Variants in RERE observed in about 807,000 individuals in gnomAD.
The protein encoded by RERE is arginine-glutamic acid dipeptide repeats.
A neutral mutation model predicts 146.1 loss-of-function variants in RERE; 40 were observed. The ratio of observed to expected loss-of-function variants is 0.27; its 90% CI spans 0.21 to 0.36. The LOEUF is 0.36. Ranked by LOEUF, RERE falls within the 10% of genes least tolerant of loss-of-function variation. The pLI, the probability that RERE is intolerant of heterozygous loss-of-function variation, is 1.00. For synonymous variants in RERE, 1,003 were observed against 866.0 expected (o/e 1.16, Z -2.78); for missense variants, 1,933 against 2,138.7 (o/e 0.90, Z 1.90).
chr1:8,380,718 A>T (rs1642415462), intron 12 of RERE: 1 of 384,554 alleles, frequency 2.6e-6, no homozygotes, highest in African/African-American at 2.1e-5. Flanking sequence ...CACAAGTCAA[A>T]ATCCTCAGCA....
intron 1 of RERE, among the ~76,000 whole-genome samples, chr1:8,710,588 G>C (rs896461280): frequency 6.6e-6 from 1 of 152,126 alleles, no homozygotes; most frequent in African/African-American, 2.4e-5. Flanking sequence ...GCATGATCTC[G>C]GCTCATTGCA....
At position 8,784,385 on chromosome 1, in the gene RERE, A is replaced by G. The variant is rs114567024; in HGVS notation, c.-145+32775T>C. Among the ~76,000 whole-genome samples the G allele has an allele frequency of 6.0e-3, 907 of 152,294 alleles. 7 individuals are homozygous for G. Among genetic ancestry groups the G allele is most frequent in the African/African-American group, 0.021 (878 of 41,556 alleles). ...CATTTATCATACTCTAATATACTAC[A>G]TAACATTCTTGTTTATTACCCATTG... On this transcript the variant is annotated intron_variant, in intron 1 of 22. Coordinates refer to ENST00000400908, the MANE Select transcript of RERE (RefSeq NM_001042681.2).
At chr1:8,524,718 T>G (rs1173616849) in intron 7 of RERE, among the ~76,000 whole-genome samples, 1 of 152,208 alleles carries the variant, frequency 6.6e-6, no homozygotes, top group African/African-American at 2.4e-5. Context: ...AGAATTCAAT[T>G]TGTCCTAAAT....
chr1:8,730,762 G>A (rs934508490), intron 1 of RERE, among the ~76,000 whole-genome samples: 1 of 152,302 alleles, frequency 6.6e-6, no homozygotes, highest in East Asian at 1.9e-4. Context: ...TTACAGGTGT[G>A]AGCCACAGTG....
At chr1:8,691,302 T>C (rs1639201913) in intron 1 of RERE, among the ~76,000 whole-genome samples, 1 of 152,194 alleles carries the variant, frequency 6.6e-6, no homozygotes, top group Admixed American at 6.5e-5. Flanking sequence ...CTGGTTTTTT[T>C]TGGTACTAAG....
chr1:8,676,087 C>T lies in RERE; in HGVS notation c.-144-19646G>A, dbSNP rs114277063. Among the ~76,000 whole-genome samples, 1,196 of 152,282 alleles carry T rather than the reference C, an allele frequency of 7.9e-3. 14 individuals carry two copies. Among genetic ancestry groups the T allele is most frequent in the African/African-American group, 0.027 (1,141 of 41,552 alleles). On this transcript the variant is annotated intron_variant, in intron 1 of 22. Transcript: ENST00000400908. ...GTCTATATGTAAGAAAACTGTTCAA[C>T]AAGTTAGTAATCAACAAAATTAAAT...
chr1:8,491,711 G>A (rs563753632), intron 10 of RERE, among the ~76,000 whole-genome samples: 3 of 152,150 alleles, frequency 2.0e-5, no homozygotes, highest in Non-Finnish European at 2.9e-5. Context: ...AAATTTACTC[G>A]TATTTAAATA....
chr1:8,604,629 G>GAAGC (rs1295240118), intron 4 of RERE, among the ~76,000 whole-genome samples: 1 of 131,398 alleles, frequency 7.6e-6, no homozygotes, highest in South Asian at 2.4e-4. Context: ...AGGGAGGAAG[G>GAAGC]AAGGAAGGAA....
chr1:8,674,368 AC>A (rs1395871959), intron 1 of RERE, among the ~76,000 whole-genome samples: 2 of 152,182 alleles, frequency 1.3e-5, no homozygotes, highest in Non-Finnish European at 2.9e-5. Flanking sequence ...AAACAAAAAA[AC>A]AGCTACGTCT....
intron 4 of RERE, among the ~76,000 whole-genome samples, chr1:8,611,141 G>C (rs183999034): frequency 9.8e-4 from 149 of 152,188 alleles, no homozygotes; most frequent in African/African-American, 3.5e-3. Context: ...GTTGCAGTGA[G>C]CTGAGATCAT....
Position 8,720,990 on chromosome 1 carries a change from A to G in RERE, c.-144-64549T>C, listed in dbSNP as rs1409206686. Among the ~76,000 whole-genome samples the G allele has an allele frequency of 4.0e-5, 6 of 149,592 alleles. No homozygotes were observed. The East Asian group carries it at 1.2e-3, about 30-fold the overall frequency. On this transcript the variant is annotated intron_variant, in intron 1 of 22. Transcript: ENST00000400908. ...AGAACTGCTTGAACCCAGGAGGCGG[A>G]GGTTGCAGTGAGCCGAGATCACCAC...
chr1:8,364,768 G>A lies in RERE; in HGVS notation c.1518C>T (p.Ala506=). ...TACTGGTGGTGAAGCAGTGGCGGCA[G>A]GCGTACCCCTTCAGCTCCTGCTCAC... ...EDSEQELKGY[A]CRHCFTTTSK... The change falls in exon 14 of 23, where the codon GCC becomes GCT. Residue 506 remains alanine (A), a synonymous_variant. Transcript: ENST00000400908. This position sits in a 1 kb window ranked among gnomAD's most constrained non-coding sequence, Gnocchi z 5.1. 6.2e-7 allele frequency: 1 copy of A among 1,613,918 alleles called. No individual in the cohort carries two copies. Among genetic ancestry groups the A allele is most frequent in the Non-Finnish European group, 8.5e-7 (1 of 1,179,926 alleles).
At chr1:8,418,997 A>T (rs1019097037) in intron 12 of RERE, among the ~76,000 whole-genome samples, 1 of 152,224 alleles carries the variant, frequency 6.6e-6, no homozygotes, top group South Asian at 2.1e-4. Context: ...GTGGTTTATG[A>T]CAAACAGTGG....
rs192829740 is a variant in RERE at position 8,466,983 on chromosome 1, C to A, written c.1105-960G>T. Among the ~76,000 whole-genome samples the A allele has an allele frequency of 2.6e-5, 4 of 152,360 alleles. No homozygotes were observed. In the East Asian group the frequency reaches 7.7e-4, roughly 29 times the overall value. The stretch of plus-strand genomic sequence containing the variant: ...GTCACTCAGAATTCTCATTGGAAAT[C>A]CACCTTTCCTGTACACATCTAGTCT... On this transcript the variant is annotated intron_variant, in intron 10 of 22. Transcript: ENST00000400908.
chr1:8,691,789 T>C (rs1183668957), intron 1 of RERE, among the ~76,000 whole-genome samples: 1 of 152,212 alleles, frequency 6.6e-6, no homozygotes. Context: ...ATGCCACAAT[T>C]AGGCTGATGT....
intron 12 of RERE, among the ~76,000 whole-genome samples, chr1:8,369,421 G>C (rs1230805341): frequency 7.2e-6 from 1 of 138,164 alleles, no homozygotes; most frequent in Non-Finnish European, 1.5e-5. Context: ...AAGTAGTCCA[G>C]AACAGATTTC....
intron 7 of RERE, among the ~76,000 whole-genome samples, chr1:8,518,281 G>A (rs978282894): frequency 1.3e-5 from 2 of 152,136 alleles, no homozygotes; most frequent in Non-Finnish European, 2.9e-5. Context: ...CCCAAGCCTT[G>A]GGTCCTAACA....
chr1:8,771,628 G>A (rs972960591), intron 1 of RERE, among the ~76,000 whole-genome samples: 1 of 151,786 alleles, frequency 6.6e-6, no homozygotes, highest in African/African-American at 2.4e-5. Flanking sequence ...GAAAAAAGAT[G>A]GGCCGGGCAT....
intron 2 of RERE, among the ~76,000 whole-genome samples, chr1:8,636,873 G>A (rs1482852815): frequency 1.3e-5 from 2 of 152,248 alleles, no homozygotes; most frequent in South Asian, 2.1e-4. Context: ...AGTAACAGAA[G>A]CTTTGCCTGT....
Sources: gnomAD v4.1 joint callset for allele counts (sites outside exome capture counted in the v4.1 genomes callset) on GRCh38, gnomAD v4.1.1 for gene constraint, Gnocchi (gnomAD v3.1) non-coding constraint, MANE v1.5 for transcripts, NCBI Gene and HGNC (gene_info 2026-07-23, HGNC 2026-07-21) for gene names.